KIF9: variants seen among roughly 807,000 people sequenced by gnomAD.
KIF9 encodes the protein kinesin-like protein KIF9.
Under a neutral mutation model 94.8 loss-of-function variants are expected in KIF9, and 68 were observed. The observed-to-expected ratio is 0.72, with a 90% CI of 0.59 to 0.88. The LOEUF (loss-of-function observed/expected upper bound fraction) is 0.88. Among genes scored for constraint, KIF9 ranks in the 40% least tolerant of loss-of-function variants. The pLI, the probability that KIF9 is intolerant of heterozygous loss-of-function variation, is 0.00. For missense variants in KIF9, 882 were observed against 982.5 expected, an observed-to-expected ratio of 0.90 and a Z score of 1.37; for synonymous variants, 343 against 362.1, an observed-to-expected ratio of 0.95 and a Z score of 0.60.
intron 17 of KIF9, chr3:47,240,172 G>A: frequency 3.6e-6 from 1 of 278,308 alleles, no homozygotes; most frequent in Non-Finnish European, 7.2e-6. Flanking sequence ...ACCAGGACAA[G>A]GACACTGGGT....
rs1016658990 is a variant in KIF9 at position 47,247,305 on chromosome 3, G to A, written c.1233+68C>T. On this transcript the variant is annotated intron_variant, in intron 12 of 20. Coordinates refer to ENST00000684063, the MANE Select transcript of KIF9 (RefSeq NM_182902.4). ...AGGCTCTGAGGCCAGCAGAGCATGC[G>A]TTGGGGTGTGCCCAGGACTGGGAGG... 26 of 1,032,888 alleles carry A rather than the reference G, an allele frequency of 2.5e-5. 1 individual carries two copies. The highest frequency in any genetic ancestry group is 1.2e-4 in the South Asian group (9 of 78,240). The allele number at this position is 1,032,888 out of a possible 1,614,324, so 64.0% of individuals were successfully genotyped here. A position where few individuals can be genotyped will look rare whatever the true frequency, so the allele number is the denominator to read the frequency against.
At chr3:47,279,630 T>C (rs1338218565) in intron 1 of KIF9, among the ~76,000 whole-genome samples, 1 of 151,760 alleles carries the variant, frequency 6.6e-6, no homozygotes, top group African/African-American at 2.4e-5. Context: ...TTATTTTTTT[T>C]TTTTGAGGCA....
At chr3:47,281,398 A>G (rs929236762) in intron 1 of KIF9, among the ~76,000 whole-genome samples, 14 of 151,912 alleles carry the variant, frequency 9.2e-5, no homozygotes, top group Non-Finnish European at 2.1e-4. Context: ...CCTAGGCTGG[A>G]GTGCAGTGAA....
intron 13 of KIF9, 177 bp downstream of exon 13, chr3:47,246,020 T>G (rs1378272148): frequency 1.7e-6 from 1 of 584,940 alleles, no homozygotes. Flanking sequence ...AAACACCTCC[T>G]GTCCAATTAA....
At chr3:47,267,295 C>A in intron 5 of KIF9, 32 bp from the exon 6 acceptor site, 1 of 1,501,778 alleles carries the variant, frequency 6.7e-7, no homozygotes, top group Non-Finnish European at 9.3e-7. Context: ...GGCAACATTT[C>A]GAAAAACTAA....
intron 9 of KIF9, among the ~76,000 whole-genome samples, chr3:47,258,611 G>A (rs1007139079): frequency 3.3e-5 from 5 of 152,080 alleles, no homozygotes; most frequent in Non-Finnish European, 7.4e-5. Flanking sequence ...GGTAGTGAGT[G>A]AGTTCTTATG....
intron 5 of KIF9, among the ~76,000 whole-genome samples, chr3:47,267,587 A>G (rs545249425): frequency 6.6e-6 from 1 of 152,350 alleles, no homozygotes; most frequent in African/African-American, 2.4e-5. Flanking sequence ...GGAATGATCT[A>G]TGTATACAGT....
intron 9 of KIF9, chr3:47,263,865 T>G (rs1701128364): frequency 2.2e-6 from 1 of 457,226 alleles, no homozygotes; most frequent in Non-Finnish European, 4.4e-6. Flanking sequence ...TAATACCATC[T>G]GCTCATACTG....
chr3:47,242,032 T>C (rs2107177033), intron 16 of KIF9, among the ~76,000 whole-genome samples: 1 of 151,772 alleles, frequency 6.6e-6, no homozygotes, highest in Non-Finnish European at 1.5e-5. Context: ...TACAGGCATG[T>C]ACTCCCATGC....
intron 15 of KIF9, 69 bp downstream of exon 15, chr3:47,244,722 T>G: frequency 6.3e-6 from 10 of 1,575,830 alleles, no homozygotes; most frequent in Non-Finnish European, 8.7e-6. Flanking sequence ...GTGGGAACAG[T>G]GCACATCCTC....
chr3:47,276,952 C>A, intron 2 of KIF9: 1 of 166,928 alleles, frequency 6.0e-6, no homozygotes, highest in Non-Finnish European at 1.2e-5. Flanking sequence ...TTACTGCACC[C>A]CATGGGCGAT....
At chr3:47,241,751 G>A (rs9867551) in intron 16 of KIF9, among the ~76,000 whole-genome samples, 138,111 of 143,768 alleles carry the variant, frequency 0.96, 66,561 homozygotes, top group Non-Finnish European at 1. Context: ...GTATATATAC[G>A]TATATATACA....
chr3:47,232,433 C>T (rs947698927), intron 20 of KIF9, among the ~76,000 whole-genome samples: 2 of 151,842 alleles, frequency 1.3e-5, no homozygotes, highest in Non-Finnish European at 2.9e-5. Flanking sequence ...TACAGGCATG[C>T]GTCACCACAC....
rs1019020936 is a variant in KIF9 at position 47,282,771 on chromosome 3, G to C, written c.-282C>G. ...CGAAGTCAAGGTCGAGATAGCGAGGGAACGAAGGCCGCACATGAACCAGGA... is the reference window on the plus strand; with the variant it reads ...CGAAGTCAAGGTCGAGATAGCGAGGCAACGAAGGCCGCACATGAACCAGGA... On this transcript the variant is annotated 5_prime_UTR_variant, in exon 1 of 21. Coordinates refer to ENST00000684063, the MANE Select transcript of KIF9 (RefSeq NM_182902.4). The C allele has an allele frequency of 7.0e-7, 1 of 1,430,696 alleles. No individual in the cohort carries two copies. The highest frequency in any genetic ancestry group is 9.1e-7 in the Non-Finnish European group (1 of 1,096,460). 88.6% of individuals were successfully genotyped at this position (1,430,696 alleles called of 1,614,324 possible).
intron 20 of KIF9, among the ~76,000 whole-genome samples, chr3:47,228,919 A>G (rs1357769255): frequency 6.6e-6 from 1 of 152,220 alleles, no homozygotes; most frequent in African/African-American, 2.4e-5. Flanking sequence ...AAACTATTTT[A>G]AAACAGTCTG....
At chr3:47,273,519 G>A in intron 4 of KIF9, 33 bp downstream of exon 4, 1 of 1,507,016 alleles carries the variant, frequency 6.6e-7, no homozygotes, top group Non-Finnish European at 9.1e-7. Context: ...GAGGGAACCT[G>A]TGTGGCATCC....
At position 47,266,978 on chromosome 3, in the gene KIF9, C is replaced by T. The variant is rs1024902732; in HGVS notation, c.766G>A (p.Gly256Arg). Residue 256 changes from glycine to arginine, a missense_variant and splice_region_variant, in exon 7 of 21, where the codon GGG (glycine) becomes AGG (arginine). Coordinates refer to ENST00000684063, the MANE Select transcript of KIF9 (RefSeq NM_182902.4). ...AACCTCCAGCCCCCATCACTTACCC[C>T]AGACTTCCCCAGCCTCTCTGAGCCT... ...LAGSERLGKSGSEGQVLKEAT... is the reference protein window; with the variant it reads ...LAGSERLGKSRSEGQVLKEAT... The T allele has an allele frequency of 6.8e-6, 11 of 1,612,928 alleles. No individual in the cohort carries two copies. In the Admixed American group the frequency reaches 1.8e-4, roughly 27 times the overall value.
chr3:47,245,683 C>T (rs1416348675), intron 13 of KIF9, 172 bp from the exon 14 acceptor site: 1 of 615,576 alleles, frequency 1.6e-6, no homozygotes, highest in Non-Finnish European at 2.9e-6. Flanking sequence ...TCCCCCTGCC[C>T]CATTGCATAT....
At position 47,247,469 on chromosome 3, in the gene KIF9, G is replaced by A; in HGVS notation, c.1137C>T (p.Arg379=). The A allele has an allele frequency of 6.2e-7, 1 of 1,613,078 alleles. No homozygotes were observed. The highest frequency in any genetic ancestry group is 8.5e-7 in the Non-Finnish European group (1 of 1,179,074). The change falls in exon 12 of 21, where the codon CGC becomes CGT. Residue 379 remains arginine, a synonymous_variant. Coordinates refer to ENST00000684063, the MANE Select transcript of KIF9 (RefSeq NM_182902.4). ...CCATGGGGTCATAGGTCACAAAGGT[G>A]CGGTTGGTCTTGAAGGAGGATGAAG... is the stretch of plus-strand genomic sequence containing the variant. ...ELAIHDSLTN[R]TFVTYDPMDE...
Sources: gnomAD v4.1 joint callset for allele counts (sites outside exome capture counted in the v4.1 genomes callset) on GRCh38, gnomAD v4.1.1 for gene constraint, MANE v1.5 for transcripts, NCBI Gene and HGNC (gene_info 2026-07-23, HGNC 2026-07-21) for gene names.